The following SDK1 variants were observed in gnomAD, a reference collection of about 807,000 sequenced individuals.
SDK1 encodes the protein protein sidekick-1.
SDK1 carries 157 observed loss-of-function variants against 245.5 expected under a neutral mutation model. That is an observed-to-expected ratio of 0.64 (90% CI 0.56 to 0.73). SDK1 has a LOEUF of 0.73. SDK1 is among the 30% of genes least tolerant of loss of function. The probability of loss-of-function intolerance (pLI) is 0.00; values close to 1 mark genes in which losing one functional copy is unlikely to be tolerated. For synonymous variants in SDK1, 1,647 were observed against 1,278.5 expected (o/e 1.29, Z -6.15); for missense variants, 3,583 against 3,002.3 (o/e 1.19, Z -4.52).
intron 1 of SDK1, among the ~76,000 whole-genome samples, chr7:3,449,131 T>C (rs913884681): frequency 5.9e-5 from 9 of 152,242 alleles, no homozygotes; most frequent in Non-Finnish European, 1.2e-4. Flanking sequence ...TTGAGTCCTT[T>C]CTTTACAACA....
At chr7:3,522,763 G>T (rs1782984797) in intron 1 of SDK1, among the ~76,000 whole-genome samples, 1 of 152,110 alleles carries the variant, frequency 6.6e-6, no homozygotes, top group Admixed American at 6.6e-5. Flanking sequence ...CAGCTTTAAG[G>T]TTCACAGAAC....
At chr7:3,552,148 C>T (rs1185595327) in intron 1 of SDK1, among the ~76,000 whole-genome samples, 1 of 152,054 alleles carries the variant, frequency 6.6e-6, no homozygotes, top group Non-Finnish European at 1.5e-5. Context: ...ATGCCATTCT[C>T]TGCCTCAGCC....
intron 4 of SDK1, among the ~76,000 whole-genome samples, chr7:3,681,132 G>A (rs760545120): frequency 2.6e-5 from 4 of 152,118 alleles, no homozygotes; most frequent in Non-Finnish European, 4.4e-5. Context: ...GTGAGCCACC[G>A]CGCCCGGCTG....
At chr7:4,074,092 C>T (rs553022897) in intron 20 of SDK1, among the ~76,000 whole-genome samples, 43 of 152,282 alleles carry the variant, frequency 2.8e-4, no homozygotes, top group African/African-American at 8.4e-4. Context: ...CAATCCTAGT[C>T]AGCTCAGGGG....
At chr7:3,650,292 A>G (rs771354118) in intron 4 of SDK1, among the ~76,000 whole-genome samples, 3 of 152,160 alleles carry the variant, frequency 2.0e-5, no homozygotes, top group Admixed American at 6.5e-5. Context: ...AATCATCACC[A>G]TCATCCATCT....
chr7:4,168,007 A>G (rs1781600652), intron 32 of SDK1, among the ~76,000 whole-genome samples: 1 of 152,166 alleles, frequency 6.6e-6, no homozygotes, highest in Non-Finnish European at 1.5e-5. Context: ...AGCCTCTTTC[A>G]CAGATTACAG....
intron 1 of SDK1, among the ~76,000 whole-genome samples, chr7:3,468,775 C>T (rs1356885823): frequency 6.6e-6 from 1 of 152,130 alleles, no homozygotes; most frequent in Non-Finnish European, 1.5e-5. Flanking sequence ...TAATCTTAAG[C>T]ATAAAAGTGG....
In SDK1 at chr7:3,936,724, A is replaced by G. The variant is rs573998887; in HGVS notation, c.848-14199A>G. Among the ~76,000 whole-genome samples, 142 of 152,114 alleles carry G rather than the reference A, an allele frequency of 9.3e-4. 7 individuals carry two copies. The South Asian group carries it at 0.028, about 30-fold the overall frequency. On this transcript the variant is annotated intron_variant, in intron 5 of 44. Transcript: ENST00000404826. ...TTGTGTATTTAACCCCAATGGGGGG[A>G]AAAAAAGAAGTATACCAAAGTACAA...
chr7:3,745,876 A>G (rs932760132), intron 4 of SDK1, among the ~76,000 whole-genome samples: 4 of 152,206 alleles, frequency 2.6e-5, no homozygotes, highest in African/African-American at 7.2e-5. Context: ...TATTAATTTG[A>G]GATTTTCTGT....
intron 13 of SDK1, among the ~76,000 whole-genome samples, chr7:3,984,492 T>G (rs2128138206): frequency 6.6e-6 from 1 of 152,332 alleles, no homozygotes; most frequent in South Asian, 2.1e-4. Flanking sequence ...CTTGAGGTCA[T>G]CAGAGAAAGT....
At chr7:3,307,300 T>G (rs1022640382) in intron 1 of SDK1, among the ~76,000 whole-genome samples, 2 of 152,106 alleles carry the variant, frequency 1.3e-5, no homozygotes, top group African/African-American at 2.4e-5. Flanking sequence ...ATTTTGTCAG[T>G]TGGGACAGCA....
intron 35 of SDK1, among the ~76,000 whole-genome samples, chr7:4,203,978 C>T (rs1389826967): frequency 6.6e-6 from 1 of 152,194 alleles, no homozygotes; most frequent in African/African-American, 2.4e-5. Context: ...CATGCGGGCC[C>T]CTAATTTATG....
intron 1 of SDK1, among the ~76,000 whole-genome samples, chr7:3,528,600 T>C (rs1783232843): frequency 6.6e-6 from 1 of 152,264 alleles, no homozygotes; most frequent in African/African-American, 2.4e-5. Flanking sequence ...AGAGATCACG[T>C]AGGAGATTCT....
rs369452866 is a variant in SDK1 at position 3,512,330 on chromosome 7, T to C, written c.299-106750T>C. Among the ~76,000 whole-genome samples, 170 of 152,364 alleles carry C rather than the reference T, an allele frequency of 1.1e-3. 3 individuals carry two copies. In the South Asian group the frequency reaches 0.035, roughly 31 times the overall value. On this transcript the variant is annotated intron_variant, in intron 1 of 44. Transcript: ENST00000404826. ...GTTTTCAGTGCTGAGTAATATTCCA[T>C]TGTGTGGCTATATCAAAGTTTATGT...
At chr7:3,966,403 C>T (rs1046869850) in intron 9 of SDK1, among the ~76,000 whole-genome samples, 5 of 152,082 alleles carry the variant, frequency 3.3e-5, no homozygotes, top group African/African-American at 9.7e-5. Context: ...ACGGGGGGTT[C>T]CGGTTAATCG....
chr7:3,536,505 C>G (rs1051864456), intron 1 of SDK1, among the ~76,000 whole-genome samples: 13 of 152,000 alleles, frequency 8.6e-5, no homozygotes, highest in Non-Finnish European at 1.5e-4. Flanking sequence ...TGGCGAAACC[C>G]TGTTTCTACT....
intron 4 of SDK1, 51 bp from the exon 5 acceptor site, chr7:3,821,399 A>G (rs764232225): frequency 6.4e-7 from 1 of 1,570,248 alleles, no homozygotes; most frequent in African/African-American, 1.4e-5. Context: ...TCTTACAAGT[A>G]GGAAGTTCCC....
intron 1 of SDK1, among the ~76,000 whole-genome samples, chr7:3,322,807 G>A (rs1330952050): frequency 6.6e-6 from 1 of 151,922 alleles, no homozygotes; most frequent in Non-Finnish European, 1.5e-5. Flanking sequence ...GTCCCCACCT[G>A]CCCTTTTCCC....
In SDK1 at chr7:3,391,868, A is replaced by G. The variant is rs193193757; in HGVS notation, c.298+89984A>G. ...GGTCTCAAACTCCTGAGCTCAAGCA[A>G]TGCACCTGCGTTGCCCTCCCAAAGT... On this transcript the variant is annotated intron_variant, in intron 1 of 44. Coordinates refer to ENST00000404826, the MANE Select transcript of SDK1 (RefSeq NM_152744.4). 4.6e-3 allele frequency among the ~76,000 whole-genome samples: 697 copies of G among 151,802 alleles called. 8 individuals are homozygous for G. Among genetic ancestry groups the G allele is most frequent in the South Asian group, 0.018 (85 of 4,798 alleles).
Sources: allele counts gnomAD v4.1 joint callset (sites outside exome capture counted in the v4.1 genomes callset), GRCh38; gene constraint gnomAD v4.1.1; transcripts MANE v1.5; gene names NCBI Gene and HGNC (gene_info 2026-07-23, HGNC 2026-07-21).